The following SDK1 variants were observed in gnomAD, a reference collection of about 807,000 sequenced individuals.
SDK1 encodes the protein protein sidekick-1.
SDK1 carries 157 observed loss-of-function variants against 245.5 expected under a neutral mutation model. The observed-to-expected ratio is 0.64, with a 90% CI of 0.56 to 0.73. SDK1 has a LOEUF of 0.73. Among genes scored for constraint, SDK1 ranks in the 30% least tolerant of loss-of-function variants. The pLI, the probability that SDK1 is intolerant of heterozygous loss-of-function variation, is 0.00. For synonymous variants in SDK1, 1,647 were observed against 1,278.5 expected (o/e 1.29, Z -6.15); for missense variants, 3,583 against 3,002.3 (o/e 1.19, Z -4.52).
At chr7:3,438,628 G>A (rs781576569) in intron 1 of SDK1, among the ~76,000 whole-genome samples, 5 of 152,084 alleles carry the variant, frequency 3.3e-5, no homozygotes, top group Non-Finnish European at 2.9e-5. Flanking sequence ...ACGGTGTCTG[G>A]CTTCAATCTG....
chr7:4,260,704 G>C (rs1209556942), intron 44 of SDK1, among the ~76,000 whole-genome samples: 1 of 147,744 alleles, frequency 6.8e-6, no homozygotes, highest in Non-Finnish European at 1.5e-5. Context: ...GGCTGCTCCA[G>C]GGTCTCTGCG....
intron 5 of SDK1, among the ~76,000 whole-genome samples, chr7:3,939,161 C>T (rs773328605): frequency 6.6e-6 from 1 of 152,340 alleles, no homozygotes; most frequent in South Asian, 2.1e-4. Flanking sequence ...GAATACCTGT[C>T]TCCAGGGAAT....
At chr7:4,019,302 A>G (rs574576289) in intron 17 of SDK1, among the ~76,000 whole-genome samples, 37 of 152,354 alleles carry the variant, frequency 2.4e-4, no homozygotes, top group African/African-American at 8.9e-4. Context: ...CAAAGGCAGA[A>G]CCAGCACTGA....
chr7:4,182,709 C>G (rs1782668525), intron 35 of SDK1, among the ~76,000 whole-genome samples: 1 of 152,222 alleles, frequency 6.6e-6, no homozygotes, highest in African/African-American at 2.4e-5. Context: ...ATGTTCTAAG[C>G]TGGTCTTTCC....
chr7:3,497,426 C>T (rs1477002963), intron 1 of SDK1, among the ~76,000 whole-genome samples: 1 of 152,208 alleles, frequency 6.6e-6, no homozygotes, highest in African/African-American at 2.4e-5. Context: ...CTGTCTGCTG[C>T]AGACATCATT....
At chr7:4,008,779 G>A (rs531742070) in intron 14 of SDK1, among the ~76,000 whole-genome samples, 46 of 152,316 alleles carry the variant, frequency 3.0e-4, no homozygotes, top group African/African-American at 1.0e-3. Context: ...GATTGATTGG[G>A]TTCTTTGAAG....
intron 14 of SDK1, among the ~76,000 whole-genome samples, chr7:3,988,579 C>T (rs182275182): frequency 2.2e-4 from 33 of 152,236 alleles, no homozygotes; most frequent in East Asian, 1.5e-3. Flanking sequence ...TTCTCCACAC[C>T]GGTCAGCCAC....
intron 1 of SDK1, among the ~76,000 whole-genome samples, chr7:3,588,117 C>T (rs1003536667): frequency 1.3e-5 from 2 of 152,146 alleles, no homozygotes; most frequent in East Asian, 1.9e-4. Context: ...CTGCCATTCT[C>T]GTTTTACAGG....
chr7:3,840,675 C>T (rs1343712944), intron 5 of SDK1, among the ~76,000 whole-genome samples: 3 of 152,230 alleles, frequency 2.0e-5, no homozygotes, highest in Non-Finnish European at 4.4e-5. Context: ...CTGCGGTTCA[C>T]GGACAACTCT....
At chr7:3,501,153 C>T (rs1172674763) in intron 1 of SDK1, among the ~76,000 whole-genome samples, 3 of 152,078 alleles carry the variant, frequency 2.0e-5, no homozygotes, top group African/African-American at 4.8e-5. Flanking sequence ...AAGATCTGGG[C>T]ATATTATTTC....
intron 1 of SDK1, among the ~76,000 whole-genome samples, chr7:3,384,578 T>A (rs1781564363): frequency 7.0e-6 from 1 of 142,476 alleles, no homozygotes; most frequent in Non-Finnish European, 1.6e-5. Flanking sequence ...CACTCTTGTT[T>A]TACATCATAC....
intron 1 of SDK1, among the ~76,000 whole-genome samples, chr7:3,327,725 GTCTT>G (rs1779970652): frequency 6.6e-6 from 1 of 151,968 alleles, no homozygotes; most frequent in African/African-American, 2.4e-5. Context: ...GAATGACTGT[GTCTT>G]TATTTATCCT....
intron 14 of SDK1, among the ~76,000 whole-genome samples, chr7:3,996,582 T>C (rs1784712229): frequency 6.6e-6 from 1 of 152,232 alleles, no homozygotes; most frequent in South Asian, 2.1e-4. Flanking sequence ...GTCAAGGTTG[T>C]CCTGAGATTT....
At chr7:3,971,386 G>T in intron 11 of SDK1, 80 bp from the exon 12 acceptor site, 1 of 900,586 alleles carries the variant, frequency 1.1e-6, no homozygotes. Context: ...GATGTCAGAT[G>T]ACCAGGGCAT....
intron 4 of SDK1, among the ~76,000 whole-genome samples, chr7:3,665,967 C>G (rs1783519024): frequency 6.6e-6 from 1 of 152,144 alleles, no homozygotes; most frequent in South Asian, 2.1e-4. Flanking sequence ...TCGGTTGGCT[C>G]ACACTTCCTA....
At chr7:3,802,296 G>A (rs970450184) in intron 4 of SDK1, among the ~76,000 whole-genome samples, 1 of 152,134 alleles carries the variant, frequency 6.6e-6, no homozygotes, top group Non-Finnish European at 1.5e-5. Context: ...GGCCGAGGCA[G>A]GAGGATCACT....
intron 4 of SDK1, among the ~76,000 whole-genome samples, chr7:3,792,660 A>G (rs372769863): frequency 2.7e-4 from 40 of 150,272 alleles, no homozygotes; most frequent in East Asian, 2.0e-3. Context: ...CCATCCATCC[A>G]TCTAACTACT....
At chr7:3,488,148 G>A (rs1781758634) in intron 1 of SDK1, among the ~76,000 whole-genome samples, 1 of 152,084 alleles carries the variant, frequency 6.6e-6, no homozygotes, top group African/African-American at 2.4e-5. Context: ...ATTGCTGTGT[G>A]TTTTCCGATG....
At chr7:4,190,187 A>C (rs1783110775) in intron 35 of SDK1, among the ~76,000 whole-genome samples, 1 of 152,194 alleles carries the variant, frequency 6.6e-6, no homozygotes, top group African/African-American at 2.4e-5. Context: ...GCACTGTCTC[A>C]TCATCGACGT....
Sources: allele counts gnomAD v4.1 joint callset (sites outside exome capture counted in the v4.1 genomes callset), GRCh38; gene constraint gnomAD v4.1.1; transcripts MANE v1.5; gene names NCBI Gene and HGNC (gene_info 2026-07-23, HGNC 2026-07-21).